ANO1: variants seen among roughly 807,000 people sequenced by gnomAD.
The protein encoded by ANO1 is anoctamin 1.
ANO1 carries 59 observed loss-of-function variants against 124.0 expected under a neutral mutation model. The ratio of observed to expected loss-of-function variants is 0.48; its 90% CI spans 0.39 to 0.59. The LOEUF (loss-of-function observed/expected upper bound fraction) is 0.59, where lower values mean the gene tolerates loss of function less well. Ranked by LOEUF, ANO1 falls within the 20% of genes least tolerant of loss-of-function variation. The pLI is 0.00. For synonymous variants in ANO1, 529 were observed against 532.0 expected, an observed-to-expected ratio of 0.99 and a Z score of 0.08; for missense variants, 1,059 against 1,328.0, an observed-to-expected ratio of 0.80 and a Z score of 3.15.
rs139137667 is a variant in ANO1 at position 70,022,418 on chromosome 11, G to A, written c.58+36252G>A. Among the ~76,000 whole-genome samples, 704 of 152,204 alleles carry A rather than the reference G, an allele frequency of 4.6e-3. 7 individuals carry two copies. Among genetic ancestry groups the A allele is most frequent in the African/African-American group, 0.016 (664 of 41,514 alleles). Reference sequence around the variant, plus strand: ...GTTCAAGACCAACCTGGCCAACATGGTGAAACCCCGTCTCTACCAAAAATA... The same window carrying A: ...GTTCAAGACCAACCTGGCCAACATGATGAAACCCCGTCTCTACCAAAAATA... On this transcript the variant is annotated intron_variant, in intron 1 of 27. Coordinates refer to the ANO1 transcript ENST00000531349.
chr11:70,068,298 G>A (rs1446664724), intron 1 of ANO1, among the ~76,000 whole-genome samples: 1 of 152,174 alleles, frequency 6.6e-6, no homozygotes, highest in African/African-American at 2.4e-5. Context: ...ATTGACCTGT[G>A]GGTAAACTCT....
At chr11:69,970,721 G>A in the ANO1 span, among the ~76,000 whole-genome samples, 7 of 152,318 alleles carry the variant, frequency 4.6e-5, 1 homozygote, top group South Asian at 1.4e-3. Flanking sequence ...TTAAAAGGGT[G>A]GAAGTTAATT....
chr11:70,120,617 C>T (rs757165380), intron 8 of ANO1, among the ~76,000 whole-genome samples: 22 of 152,180 alleles, frequency 1.4e-4, no homozygotes, highest in Non-Finnish European at 1.6e-4. Context: ...AACCCACAGG[C>T]CCTGTTGGAG....
intron 11 of ANO1, chr11:70,149,443 G>C: frequency 2.4e-6 from 1 of 412,098 alleles, no homozygotes; most frequent in East Asian, 5.2e-5. Flanking sequence ...CTGAGGTCAG[G>C]AGTTCGAGAC....
rs2135163484 is a variant in ANO1, at chr11:70,078,587, C to T, written c.-20C>T. ...GGGGAGGGCGCGCCGCCCGGCGGTC[C>T]CAGCGCACAGGCGGCCACGATGAGG... On this transcript the variant is annotated 5_prime_UTR_variant, in exon 1 of 26. Coordinates refer to ENST00000355303, the MANE Select transcript of ANO1 (RefSeq NM_018043.7). 1 of 1,453,028 alleles carries T rather than the reference C, an allele frequency of 6.9e-7. No homozygotes were observed. Among genetic ancestry groups the T allele is most frequent in the Non-Finnish European group, 9.2e-7 (1 of 1,088,750 alleles). The allele number at this position is 1,453,028 out of a possible 1,614,324, so 90.0% of individuals were successfully genotyped here.
chr11:70,113,977 C>T (rs2045885993), intron 7 of ANO1, among the ~76,000 whole-genome samples: 1 of 152,198 alleles, frequency 6.6e-6, no homozygotes, highest in Non-Finnish European at 1.5e-5. Context: ...CATCCCTCTT[C>T]TTGGCAGCCA....
At chr11:70,008,002 T>C (rs1244946013) in intron 1 of ANO1, among the ~76,000 whole-genome samples, 6 of 152,226 alleles carry the variant, frequency 3.9e-5, no homozygotes, top group African/African-American at 9.6e-5. Context: ...TGCATTTCCC[T>C]GATGACTAGT....
At chr11:70,030,942 G>A (rs550355094) in intron 1 of ANO1, among the ~76,000 whole-genome samples, 2 of 152,206 alleles carry the variant, frequency 1.3e-5, no homozygotes, top group African/African-American at 4.8e-5. Context: ...TGGTGGTTTC[G>A]TTTTGTTTTG....
At chr11:70,061,025 G>A (rs140928808) in intron 1 of ANO1, among the ~76,000 whole-genome samples, 3 of 152,256 alleles carry the variant, frequency 2.0e-5, no homozygotes, top group East Asian at 3.9e-4. Context: ...ATACAGAGTC[G>A]GAAATATCCA....
At position 70,002,760 on chromosome 11, in the gene ANO1, C is replaced by T. The variant is rs549085703; in HGVS notation, c.58+16594C>T. ...GCTTTAAAGAAGTCATGGGTGCCGT[C>T]GAGCACTTCCTCTGTTGGAAACGGC... On this transcript the variant is annotated intron_variant, in intron 1 of 27. Coordinates refer to the ANO1 transcript ENST00000531349. 7.4e-4 allele frequency among the ~76,000 whole-genome samples: 113 copies of T among 152,272 alleles called. 1 individual carries two copies. The highest frequency in any genetic ancestry group is 3.7e-3 in the Admixed American group (57 of 15,282).
chr11:70,021,725 G>A (rs537660280), intron 1 of ANO1, among the ~76,000 whole-genome samples: 2 of 152,058 alleles, frequency 1.3e-5, no homozygotes, highest in African/African-American at 2.4e-5. Flanking sequence ...GCAAGGCCTC[G>A]GGAGCCAGGC....
At position 70,124,341 on chromosome 11, in the gene ANO1, C is replaced by A; in HGVS notation, c.898-9C>A. 1 of 1,613,748 alleles carries A rather than the reference C, an allele frequency of 6.2e-7. No individual in the cohort carries two copies. The highest frequency in any genetic ancestry group is 1.1e-5 in the South Asian group (1 of 91,064). On this transcript the variant is annotated splice_polypyrimidine_tract_variant and intron_variant, in intron 8 of 25. Coordinates refer to ENST00000355303, the MANE Select transcript of ANO1 (RefSeq NM_018043.7). ...ATTGTCACCAACCCCACTGCTTCCT[C>A]CCCCTCAGCTCCTGTACGAAGAGTG...
intron 16 of ANO1, among the ~76,000 whole-genome samples, chr11:70,159,975 C>T (rs1037146850): frequency 5.9e-5 from 9 of 152,044 alleles, no homozygotes; most frequent in East Asian, 1.9e-4. Context: ...CTGCAGAAGC[C>T]GGTGGTAACG....
intron 12 of ANO1, among the ~76,000 whole-genome samples, chr11:70,151,396 G>A (rs910965714): frequency 2.0e-5 from 3 of 152,136 alleles, no homozygotes; most frequent in African/African-American, 7.2e-5. Context: ...CCAGAGCCCT[G>A]TCCATGGAGG....
At chr11:70,047,901 A>T (rs1318166157) in intron 1 of ANO1, among the ~76,000 whole-genome samples, 1 of 152,154 alleles carries the variant, frequency 6.6e-6, no homozygotes, top group Non-Finnish European at 1.5e-5. Context: ...GGCTGGTAGG[A>T]CACTTTTTGA....
At chr11:70,087,675 G>T (rs2044436723) in intron 1 of ANO1, 77 bp from the exon 2 acceptor site, 2 of 1,353,590 alleles carry the variant, frequency 1.5e-6, no homozygotes, top group Non-Finnish European at 2.0e-6. Context: ...GTGAGTGGAT[G>T]AAGGGAGCAG....
At chr11:70,010,445 TC>T (rs1357968957) in intron 1 of ANO1, among the ~76,000 whole-genome samples, 1 of 151,562 alleles carries the variant, frequency 6.6e-6, no homozygotes, top group Non-Finnish European at 1.5e-5. Flanking sequence ...ACAGATATAT[TC>T]ATGAGGAATC....
intron 1 of ANO1, among the ~76,000 whole-genome samples, chr11:70,010,179 G>GTGTATGTATATATATATATA: frequency 1.2e-5 from 1 of 83,776 alleles, no homozygotes; most frequent in Non-Finnish European, 2.4e-5. Flanking sequence ...GTGTGTGTGT[G>GTGTATGTATATATATATATA]TATATATATA....
At chr11:69,994,154 C>G (rs1554998031) in intron 1 of ANO1, among the ~76,000 whole-genome samples, 1 of 151,280 alleles carries the variant, frequency 6.6e-6, no homozygotes, top group East Asian at 1.9e-4. Context: ...CATGGGCTAG[C>G]TGAGCATCAC....
Sources: gnomAD v4.1 joint callset for allele counts (sites outside exome capture counted in the v4.1 genomes callset) on GRCh38, gnomAD v4.1.1 for gene constraint, MANE v1.5 for transcripts, NCBI Gene and HGNC (gene_info 2026-07-23, HGNC 2026-07-21) for gene names.